The following EFCAB6 variants were observed in gnomAD, a reference collection of about 807,000 sequenced individuals.
The protein encoded by EFCAB6 is EF-hand calcium binding domain 6, also known as EF-hand calcium-binding domain-containing protein 6.
Under a neutral mutation model 169.8 loss-of-function variants are expected in EFCAB6, and 156 were observed. That is an observed-to-expected ratio of 0.92 (90% CI 0.81 to 1.05). The LOEUF is 1.05. Ranked by LOEUF, EFCAB6 falls within the 50% of genes least tolerant of loss-of-function variation. The pLI, the probability that EFCAB6 is intolerant of heterozygous loss-of-function variation, is 0.00. For synonymous variants in EFCAB6, 698 were observed against 676.4 expected, an observed-to-expected ratio of 1.03 and a Z score of -0.50; for missense variants, 1,800 against 1,829.1, an observed-to-expected ratio of 0.98 and a Z score of 0.29.
chr22:43,532,951 T>A (rs938237922), intron 30 of EFCAB6, among the ~76,000 whole-genome samples: 5 of 152,274 alleles, frequency 3.3e-5, no homozygotes, highest in African/African-American at 1.2e-4. Flanking sequence ...GTACTTGTAC[T>A]TGTTATTTAA....
At chr22:43,670,919 A>T (rs1190147974) in intron 15 of EFCAB6, among the ~76,000 whole-genome samples, 6 of 152,216 alleles carry the variant, frequency 3.9e-5, no homozygotes, top group African/African-American at 1.4e-4. Context: ...ACCTCACCAT[A>T]TGCTTGGCCC....
chr22:43,769,966 C>T (rs1010050662), intron 4 of EFCAB6, among the ~76,000 whole-genome samples: 1 of 151,954 alleles, frequency 6.6e-6, no homozygotes, highest in Non-Finnish European at 1.5e-5. Flanking sequence ...GCAATTCTCC[C>T]GCCTCAGCCT....
chr22:43,793,333 T>C (rs1446560584), intron 2 of EFCAB6, among the ~76,000 whole-genome samples: 1 of 152,218 alleles, frequency 6.6e-6, no homozygotes, highest in Non-Finnish European at 1.5e-5. Context: ...TAAAAGCTAG[T>C]GAGACTTCAA....
chr22:43,589,137 C>T (rs899172088), intron 24 of EFCAB6, among the ~76,000 whole-genome samples: 1 of 151,678 alleles, frequency 6.6e-6, no homozygotes, highest in Non-Finnish European at 1.5e-5. Context: ...GGGACATTGG[C>T]CGGGTGTGGT....
chr22:43,714,837 T>G (rs2059277991), intron 9 of EFCAB6, among the ~76,000 whole-genome samples: 1 of 151,918 alleles, frequency 6.6e-6, no homozygotes, highest in Non-Finnish European at 1.5e-5. Flanking sequence ...AAAAAATAAA[T>G]CAAAATAAAG....
At chr22:43,604,873 T>C (rs1358975775) in intron 22 of EFCAB6, among the ~76,000 whole-genome samples, 1 of 152,196 alleles carries the variant, frequency 6.6e-6, no homozygotes, top group East Asian at 1.9e-4. Context: ...CTGGCTAGTT[T>C]CACACACGCA....
At position 43,726,493 on chromosome 22, in the gene EFCAB6, A is replaced by G. The variant is rs555549327; in HGVS notation, c.757+5206T>C. Among the ~76,000 whole-genome samples the G allele has an allele frequency of 1.7e-3, 257 of 152,362 alleles. 3 individuals carry two copies. The highest frequency in any genetic ancestry group is 5.7e-3 in the African/African-American group (238 of 41,598). ...GATACAAACTGAAGCTGGCACTTGG[A>G]AAAATGAAATCTTACTCAGTGAATT... On this transcript the variant is annotated intron_variant, in intron 8 of 31. Transcript: ENST00000262726.
intron 15 of EFCAB6, among the ~76,000 whole-genome samples, chr22:43,671,581 A>G (rs113771157): frequency 0.019 from 2,894 of 152,322 alleles, 97 homozygotes; most frequent in African/African-American, 0.066. Flanking sequence ...GAACAATACA[A>G]GATATTACTA....
chr22:43,556,322 C>T (rs928095239), intron 26 of EFCAB6, among the ~76,000 whole-genome samples: 2 of 152,202 alleles, frequency 1.3e-5, no homozygotes, highest in Non-Finnish European at 2.9e-5. Context: ...GCTGCATCAA[C>T]AGGGCAGCCC....
Position 43,776,471 on chromosome 22 carries a change from TG to T in EFCAB6, c.140-3369del, listed in dbSNP as rs2061645346. ...CGCACAGTGACACGTGCAATGAAAA[TG>T]GAAAGACAAAACAATGAGGCAGAGT... On this transcript the variant is annotated intron_variant, in intron 3 of 31. Transcript: ENST00000262726. Among the ~76,000 whole-genome samples, 4 of 151,586 alleles carry T rather than the reference TG, an allele frequency of 2.6e-5. No homozygotes were observed. In the South Asian group the frequency reaches 8.3e-4, roughly 32 times the overall value.
intron 8 of EFCAB6, among the ~76,000 whole-genome samples, chr22:43,723,077 C>T (rs1028808865): frequency 2.0e-5 from 3 of 152,116 alleles, no homozygotes; most frequent in Admixed American, 6.6e-5. Context: ...TAACTGTATA[C>T]GTAGTGGAAA....
chr22:43,625,154 A>T (rs73887358), intron 20 of EFCAB6, among the ~76,000 whole-genome samples: 5,207 of 152,216 alleles, frequency 0.034, 271 homozygotes, highest in African/African-American at 0.12. Flanking sequence ...GTGTAAGATC[A>T]GAGGGCCTTC....
At chr22:43,778,890 C>T (rs1175494508) in intron 3 of EFCAB6, among the ~76,000 whole-genome samples, 4 of 147,810 alleles carry the variant, frequency 2.7e-5, no homozygotes, top group Non-Finnish European at 6.0e-5. Context: ...TCTGGCATTA[C>T]TTTTTTTTTT....
At chr22:43,543,446 G>A (rs1470717768) in intron 27 of EFCAB6, among the ~76,000 whole-genome samples, 1 of 152,180 alleles carries the variant, frequency 6.6e-6, no homozygotes, top group African/African-American at 2.4e-5. Context: ...CCCCCCGATA[G>A]GATGCAGAAG....
chr22:43,560,436 T>C (rs2048960360), intron 26 of EFCAB6, among the ~76,000 whole-genome samples: 1 of 152,248 alleles, frequency 6.6e-6, no homozygotes, highest in Non-Finnish European at 1.5e-5. Flanking sequence ...ACTAAGTCTC[T>C]ACTGTGCTGA....
chr22:43,764,687 C>T (rs995207713), intron 5 of EFCAB6, among the ~76,000 whole-genome samples: 2 of 152,082 alleles, frequency 1.3e-5, no homozygotes, highest in African/African-American at 4.8e-5. Flanking sequence ...GGAAATGAAG[C>T]TTATTCATTT....
intron 10 of EFCAB6, among the ~76,000 whole-genome samples, chr22:43,700,524 A>C (rs1013138170): frequency 1.3e-5 from 2 of 152,190 alleles, no homozygotes; most frequent in Non-Finnish European, 2.9e-5. Flanking sequence ...CTTGGTGTAC[A>C]GTTGTATGAG....
At chr22:43,584,676 T>C (rs1380504747) in intron 24 of EFCAB6, among the ~76,000 whole-genome samples, 1 of 152,108 alleles carries the variant, frequency 6.6e-6, no homozygotes. Context: ...AGCATTCCTG[T>C]TTTACCTAAG....
intron 13 of EFCAB6, among the ~76,000 whole-genome samples, chr22:43,674,991 A>G (rs887033838): frequency 2.6e-5 from 4 of 152,008 alleles, no homozygotes; most frequent in Non-Finnish European, 5.9e-5. Flanking sequence ...AGACACATAC[A>G]TGGCCTGGGT....
Sources: gnomAD v4.1 joint callset for allele counts (sites outside exome capture counted in the v4.1 genomes callset) on GRCh38, gnomAD v4.1.1 for gene constraint, MANE v1.5 for transcripts, NCBI Gene and HGNC (gene_info 2026-07-23, HGNC 2026-07-21) for gene names.